Variants in ZNF468 observed in about 807,000 individuals in gnomAD.
ZNF468 encodes the protein zinc finger protein 468.
In ZNF468, 8 loss-of-function variants were observed where a neutral mutation model predicts 7.2. The observed-to-expected ratio is 1.11, with a 90% CI of 0.65 to 2.01. ZNF468 has a LOEUF of 2.01. ZNF468 is among the 30% of genes most tolerant of loss of function. ZNF468 has a pLI of 0.00. For synonymous variants in ZNF468, 218 were observed against 214.4 expected (o/e 1.02, Z -0.15); for missense variants, 608 against 626.5 (o/e 0.97, Z 0.31).
In ZNF468 at chr19:52,849,012, G is replaced by C. The variant is rs759362193; in HGVS notation, c.142+75C>G. ...GCTTCCATTTTAGTCAAGGAACAAT[G>C]GGGTTCCTAAGAGACAATAAGAGAA... On this transcript the variant is annotated intron_variant, in intron 3 of 3. Coordinates refer to ENST00000595646, the MANE Select transcript of ZNF468 (RefSeq NM_001008801.2). 7.1e-6 allele frequency: 8 copies of C among 1,126,602 alleles called. No individual in the cohort carries two copies. In the African/African-American group the frequency reaches 1.9e-4, roughly 27 times the overall value. 69.8% of individuals were successfully genotyped at this position (1,126,602 alleles called of 1,614,324 possible). A position where few individuals can be genotyped will look rare whatever the true frequency, so the allele number is the denominator to read the frequency against.
rs2063303715 is a variant in ZNF468 at position 52,841,742 on chromosome 19, G to A, written c.552C>T (p.Pro184=). 6.2e-7 allele frequency: 1 copy of A among 1,614,042 alleles called. No individual in the cohort carries two copies. The highest frequency in any genetic ancestry group is 8.5e-7 in the Non-Finnish European group (1 of 1,180,000). Residue 184 remains proline, a synonymous_variant, in exon 4 of 4, where the codon CCC becomes CCT. Transcript: ENST00000595646. ...CATACTTATTAGAAATATGGGTTTT[G>A]GGCCTACAACAAATTCTTTGGGATG... ...VSTSQRICCR[P]KTHISNKYGN...
intron 1 of ZNF468, among the ~76,000 whole-genome samples, chr19:52,855,360 T>TTC (rs1397222443): frequency 2.0e-5 from 3 of 152,184 alleles, no homozygotes; most frequent in African/African-American, 7.2e-5. Context: ...AAACATTGAA[T>TTC]AAGAGCAGGG....
chr19:52,849,515 C>A (rs2063367495), intron 2 of ZNF468: 2 of 408,286 alleles, frequency 4.9e-6, no homozygotes, highest in Admixed American at 4.4e-5. Flanking sequence ...TATAGACACA[C>A]CAAGTGACAT....
At chr19:52,842,262 G>A (rs62117470) in intron 3 of ZNF468, 111 bp from the exon 4 acceptor site, 178,347 of 994,806 alleles carry the variant, frequency 0.18, 18,076 homozygotes, top group South Asian at 0.36. Flanking sequence ...CTTCCCAAAC[G>A]TGAGCTTCAA....
Position 52,839,871 on chromosome 19 carries a change from TA to T in ZNF468, c.*853del. On this transcript the variant is annotated 3_prime_UTR_variant, in exon 4 of 4. Coordinates refer to ENST00000595646, the MANE Select transcript of ZNF468 (RefSeq NM_001008801.2). ...AAATTTGCCACATTTATTACACTTG[TA>T]AGATCTCTTCACTGTGGATTCTCCA... 1 of 727,528 alleles carries T rather than the reference TA, an allele frequency of 1.4e-6. No homozygotes were observed. Among genetic ancestry groups the T allele is most frequent in the South Asian group, 1.5e-5 (1 of 68,676 alleles). 45.1% of individuals were successfully genotyped at this position (727,528 alleles called of 1,614,324 possible). A position where few individuals can be genotyped will look rare whatever the true frequency, so the allele number is the denominator to read the frequency against.
rs114915307 is a variant in ZNF468 at position 52,850,089 on chromosome 19, T to A, written c.16-876A>T. Among the ~76,000 whole-genome samples, 1,034 of 152,212 alleles carry A rather than the reference T, an allele frequency of 6.8e-3. 9 individuals carry two copies. Among genetic ancestry groups the A allele is most frequent in the African/African-American group, 0.024 (976 of 41,510 alleles). On this transcript the variant is annotated intron_variant, in intron 2 of 3. Coordinates refer to ENST00000595646, the MANE Select transcript of ZNF468 (RefSeq NM_001008801.2). ...TTCAAAATATATACATATGTGTATA[T>A]ATGTATTTATATGTATATGTGTGTG...
intron 1 of ZNF468, among the ~76,000 whole-genome samples, chr19:52,855,550 G>A (rs1399100939): frequency 1.3e-5 from 2 of 152,246 alleles, no homozygotes; most frequent in Non-Finnish European, 2.9e-5. Context: ...GGGGAACACG[G>A]GAAGCAGGTG....
intron 1 of ZNF468, among the ~76,000 whole-genome samples, chr19:52,855,589 C>T (rs1237791289): frequency 6.6e-6 from 1 of 152,206 alleles, no homozygotes; most frequent in African/African-American, 2.4e-5. Flanking sequence ...ACTGACATGA[C>T]CTGCTTTAGA....
intron 1 of ZNF468, among the ~76,000 whole-genome samples, chr19:52,855,856 C>A (rs1266731992): frequency 1.3e-5 from 2 of 152,242 alleles, no homozygotes; most frequent in Non-Finnish European, 2.9e-5. Flanking sequence ...AGCCCTTCGT[C>A]GCAAAGATGC....
At chr19:52,854,632 T>C (rs1317650500) in intron 1 of ZNF468, among the ~76,000 whole-genome samples, 2 of 152,162 alleles carry the variant, frequency 1.3e-5, no homozygotes, top group Non-Finnish European at 2.9e-5. Context: ...TGTGTGTCTG[T>C]GGTCCCAGCT....
intron 3 of ZNF468, 85 bp from the exon 4 acceptor site, chr19:52,842,236 C>G (rs2063310439): frequency 8.2e-7 from 1 of 1,216,026 alleles, no homozygotes; most frequent in Admixed American, 2.7e-5. Flanking sequence ...AGAAAAAAAA[C>G]AATACTTATT....
intron 2 of ZNF468, among the ~76,000 whole-genome samples, chr19:52,851,570 G>A (rs541972570): frequency 1.2e-3 from 187 of 151,770 alleles, no homozygotes; most frequent in Admixed American, 2.6e-3. Context: ...GCAAGATTTC[G>A]CTCAAAAAAT....
intron 1 of ZNF468, among the ~76,000 whole-genome samples, chr19:52,856,573 TG>T (rs1295764599): frequency 2.0e-5 from 3 of 146,908 alleles, no homozygotes; most frequent in Non-Finnish European, 4.5e-5. Flanking sequence ...TCCTCCCCGC[TG>T]TGCTTCTCCC....
chr19:52,840,333 T>G lies in ZNF468; in HGVS notation c.*392A>C. 1 of 436,630 alleles carries G rather than the reference T, an allele frequency of 2.3e-6. No homozygotes were observed. Among genetic ancestry groups the G allele is most frequent in the Non-Finnish European group, 4.4e-6 (1 of 226,088 alleles). 27.0% of individuals were successfully genotyped at this position (436,630 alleles called of 1,614,324 possible). On this transcript the variant is annotated 3_prime_UTR_variant, in exon 4 of 4. Transcript: ENST00000595646. ...AATTACAAGGTGTGAATTTTGACCT[T>G]TTAATTACAAGGTGTGAATTTTGAC... is the stretch of plus-strand genomic sequence containing the variant.
In ZNF468 at chr19:52,848,973, T is replaced by A. The variant is rs1163055374; in HGVS notation, c.142+114A>T. On this transcript the variant is annotated intron_variant, in intron 3 of 3. Coordinates refer to ENST00000595646, the MANE Select transcript of ZNF468 (RefSeq NM_001008801.2). Reference sequence around the variant, plus strand: ...ATGCTACATCATGAAGCTTTTCATTTCAAAATCAATATGGCTTCCATTTTA... The same window carrying A: ...ATGCTACATCATGAAGCTTTTCATTACAAAATCAATATGGCTTCCATTTTA... 31 of 1,506,708 alleles carry A rather than the reference T, an allele frequency of 2.1e-5. No homozygotes were observed. In the East Asian group the frequency reaches 7.0e-4, roughly 34 times the overall value. 93.3% of individuals were successfully genotyped at this position (1,506,708 alleles called of 1,614,324 possible).
At position 52,839,689 on chromosome 19, in the gene ZNF468, AATC is replaced by A. The variant is rs1406166773; in HGVS notation, c.*1033_*1035del. On this transcript the variant is annotated 3_prime_UTR_variant, in exon 4 of 4. Transcript: ENST00000595646. ...GAATGTGAAGTAAACGCTTTGCCACAATCATCACACTTGTGAGGTTTCTCTCCT... is the reference window on the plus strand; with the variant it reads ...GAATGTGAAGTAAACGCTTTGCCACAATCACACTTGTGAGGTTTCTCTCCT... 1.8e-6 allele frequency: 1 copy of A among 543,078 alleles called. No homozygotes were observed. The highest frequency in any genetic ancestry group is 3.7e-6 in the Non-Finnish European group (1 of 268,240). The allele number at this position is 543,078 out of a possible 1,614,324, so 33.6% of individuals were successfully genotyped here.
At chr19:52,854,054 T>G in intron 2 of ZNF468, 1 of 1,457,852 alleles carries the variant, frequency 6.9e-7, no homozygotes, top group Non-Finnish European at 9.0e-7. Flanking sequence ...TCCCAGGACC[T>G]GCCCAGTGCA....
chr19:52,855,521 A>G (rs2063429595), intron 1 of ZNF468, among the ~76,000 whole-genome samples: 2 of 152,256 alleles, frequency 1.3e-5, no homozygotes, highest in South Asian at 4.1e-4. Context: ...GCCAAAGTGA[A>G]GAGTCGGGCT....
At position 52,851,359 on chromosome 19, in the gene ZNF468, G is replaced by A. The variant is rs371615641; in HGVS notation, c.16-2146C>T. On this transcript the variant is annotated intron_variant, in intron 2 of 3. Coordinates refer to ENST00000595646, the MANE Select transcript of ZNF468 (RefSeq NM_001008801.2). The stretch of plus-strand genomic sequence containing the variant: ...TAGGAGGCTGAGGTGGGCATATCAC[G>A]AGGTTAGGAAATGGAAACCATCTTG... Among the ~76,000 whole-genome samples the A allele has an allele frequency of 3.1e-4, 47 of 152,182 alleles. No individual in the cohort carries two copies. The South Asian group carries it at 4.2e-3, about 13-fold the overall frequency.
Sources: allele counts gnomAD v4.1 joint callset (sites outside exome capture counted in the v4.1 genomes callset), GRCh38; gene constraint gnomAD v4.1.1; transcripts MANE v1.5; gene names NCBI Gene and HGNC (gene_info 2026-07-23, HGNC 2026-07-21).